TMEM163: variants seen among roughly 807,000 people sequenced by gnomAD.
The protein encoded by TMEM163 is transmembrane protein 163.
TMEM163 carries 17 observed loss-of-function variants against 29.3 expected under a neutral mutation model. That is an observed-to-expected ratio of 0.58 (90% CI 0.40 to 0.87). The LOEUF is 0.87. Ranked by LOEUF, TMEM163 falls within the 40% of genes least tolerant of loss-of-function variation. The probability of loss-of-function intolerance (pLI) is 0.00; values close to 1 mark genes in which losing one functional copy is unlikely to be tolerated. For missense variants in TMEM163, 303 were observed against 381.5 expected, an observed-to-expected ratio of 0.79 and a Z score of 1.71; for synonymous variants, 157 against 160.6, an observed-to-expected ratio of 0.98 and a Z score of 0.17.
chr2:134,534,668 C>T lies in TMEM163; in HGVS notation c.458+15902G>A, dbSNP rs533377750. 3.3e-5 allele frequency among the ~76,000 whole-genome samples: 5 copies of T among 152,144 alleles called. No homozygotes were observed. In the East Asian group the frequency reaches 5.8e-4, roughly 18 times the overall value. On this transcript the variant is annotated intron_variant, in intron 4 of 7. Coordinates refer to ENST00000281924, the MANE Select transcript of TMEM163 (RefSeq NM_030923.5). ...GCTTGGGAGGCTGAGGCAGGAGAAT[C>T]GCTTGAACCCGGGAAGTGGAGGTTG... is the stretch of plus-strand genomic sequence containing the variant.
At chr2:134,539,465 A>G (rs1291141803) in intron 4 of TMEM163, among the ~76,000 whole-genome samples, 2 of 152,246 alleles carry the variant, frequency 1.3e-5, no homozygotes, top group African/African-American at 4.8e-5. Context: ...CAGGAAAGCA[A>G]TGCCAGCATA....
intron 4 of TMEM163, among the ~76,000 whole-genome samples, chr2:134,545,980 C>A (rs56356951): frequency 0.16 from 24,322 of 152,080 alleles, 4,697 homozygotes; most frequent in African/African-American, 0.46. Flanking sequence ...CTTTCCCTTG[C>A]CCCTCCTTCT....
intron 1 of TMEM163, among the ~76,000 whole-genome samples, chr2:134,715,932 T>G (rs1053458845): frequency 1.3e-5 from 2 of 152,200 alleles, no homozygotes; most frequent in Non-Finnish European, 2.9e-5. Flanking sequence ...CTAAGCATAG[T>G]ACTAATGAGA....
intron 5 of TMEM163, among the ~76,000 whole-genome samples, chr2:134,483,471 A>G (rs1679244333): frequency 6.6e-6 from 1 of 152,220 alleles, no homozygotes; most frequent in African/African-American, 2.4e-5. Context: ...GTATCAAACT[A>G]GAGTTGCTTA....
chr2:134,504,189 C>T (rs1397015330), intron 4 of TMEM163, among the ~76,000 whole-genome samples: 2 of 152,182 alleles, frequency 1.3e-5, no homozygotes, highest in African/African-American at 4.8e-5. Context: ...GAACAGACCC[C>T]ATCCTCCACA....
At position 134,568,208 on chromosome 2, in the gene TMEM163, C is replaced by G. The variant is rs56319211; in HGVS notation, c.323-16117G>C. Among the ~76,000 whole-genome samples, 388 of 152,184 alleles carry G rather than the reference C, an allele frequency of 2.5e-3. 2 individuals carry two copies. Among genetic ancestry groups the G allele is most frequent in the African/African-American group, 9.0e-3 (373 of 41,524 alleles). On this transcript the variant is annotated intron_variant, in intron 2 of 7. Transcript: ENST00000281924. Reference sequence around the variant, plus strand: ...TTCATTAACTTTGAGTGTAAGTATACAGGCCACATAGAGAAACAAGAATAA... The same window carrying G: ...TTCATTAACTTTGAGTGTAAGTATAGAGGCCACATAGAGAAACAAGAATAA...
chr2:134,586,948 C>T (rs1398137674), intron 2 of TMEM163, among the ~76,000 whole-genome samples: 1 of 152,166 alleles, frequency 6.6e-6, no homozygotes, highest in East Asian at 1.9e-4. Flanking sequence ...AGACAGAGTA[C>T]ACTTCCTTTC....
At chr2:134,644,216 C>T (rs1683282410) in intron 2 of TMEM163, among the ~76,000 whole-genome samples, 1 of 152,026 alleles carries the variant, frequency 6.6e-6, no homozygotes, top group South Asian at 2.1e-4. Flanking sequence ...TAAGAAAAGG[C>T]CATTGAATTC....
chr2:134,610,100 G>A (rs1682467059), intron 2 of TMEM163, among the ~76,000 whole-genome samples: 1 of 152,242 alleles, frequency 6.6e-6, no homozygotes, highest in Admixed American at 6.5e-5. Flanking sequence ...GCCAATCTTA[G>A]GAAGCACAAG....
At chr2:134,522,169 G>A (rs2106495487) in intron 4 of TMEM163, among the ~76,000 whole-genome samples, 1 of 152,122 alleles carries the variant, frequency 6.6e-6, no homozygotes, top group African/African-American at 2.4e-5. Context: ...TGGCTCTAGA[G>A]CACCCAGAAG....
chr2:134,526,614 A>G (rs1413843028), intron 4 of TMEM163, among the ~76,000 whole-genome samples: 1 of 152,226 alleles, frequency 6.6e-6, no homozygotes, highest in African/African-American at 2.4e-5. Flanking sequence ...TAGACAAATC[A>G]ACTATGTGAA....
intron 6 of TMEM163, among the ~76,000 whole-genome samples, chr2:134,461,283 A>T (rs1385118712): frequency 6.6e-6 from 1 of 152,238 alleles, no homozygotes; most frequent in African/African-American, 2.4e-5. Flanking sequence ...GTAGTTAAAA[A>T]CATTCATTGT....
At chr2:134,566,434 G>A (rs1448121000) in intron 2 of TMEM163, among the ~76,000 whole-genome samples, 4 of 152,090 alleles carry the variant, frequency 2.6e-5, no homozygotes, top group Admixed American at 6.5e-5. Context: ...GTGGTAGCAC[G>A]TGCCTATAGT....
At chr2:134,566,328 C>T (rs565490535) in intron 2 of TMEM163, among the ~76,000 whole-genome samples, 1 of 152,188 alleles carries the variant, frequency 6.6e-6, no homozygotes, top group East Asian at 1.9e-4. Context: ...TTTTGGGAGC[C>T]TGAGGTGGGT....
chr2:134,540,403 TAGAACCAA>T (rs1348171180), intron 4 of TMEM163, among the ~76,000 whole-genome samples: 1 of 152,244 alleles, frequency 6.6e-6, no homozygotes, highest in Non-Finnish European at 1.5e-5. Context: ...ACCTTGCAGT[TAGAACCAA>T]AGCCCAGGAC....
rs145698844 is a variant in TMEM163 at position 134,593,608 on chromosome 2, G to C, written c.323-41517C>G. 7.8e-4 allele frequency among the ~76,000 whole-genome samples: 118 copies of C among 152,244 alleles called. 3 individuals carry two copies. The East Asian group carries it at 0.017, about 22-fold the overall frequency. On this transcript the variant is annotated intron_variant, in intron 2 of 7. Transcript: ENST00000281924. Reference sequence around the variant, plus strand: ...AGGAGGATGTGGACTAGGGTGAGGAGAATGTCCAGCCTAGGTAGGGAGTTG... The same window carrying C: ...AGGAGGATGTGGACTAGGGTGAGGACAATGTCCAGCCTAGGTAGGGAGTTG...
intron 4 of TMEM163, among the ~76,000 whole-genome samples, chr2:134,528,843 T>C (rs946548633): frequency 2.0e-5 from 3 of 152,208 alleles, no homozygotes; most frequent in Non-Finnish European, 2.9e-5. Context: ...TGCTATGTTA[T>C]AATAGGAGAA....
chr2:134,661,462 T>C (rs1205945147), intron 2 of TMEM163, among the ~76,000 whole-genome samples: 3 of 152,244 alleles, frequency 2.0e-5, no homozygotes, highest in African/African-American at 7.2e-5. Context: ...GCCACATTCA[T>C]GTTTCAAAAC....
At chr2:134,588,741 G>A (rs1681874028) in intron 2 of TMEM163, among the ~76,000 whole-genome samples, 1 of 152,134 alleles carries the variant, frequency 6.6e-6, no homozygotes, top group Non-Finnish European at 1.5e-5. Flanking sequence ...CACAATGAAA[G>A]GTTTGCCTCT....
Sources: allele counts gnomAD v4.1 joint callset (sites outside exome capture counted in the v4.1 genomes callset), GRCh38; gene constraint gnomAD v4.1.1; transcripts MANE v1.5; gene names NCBI Gene and HGNC (gene_info 2026-07-23, HGNC 2026-07-21).